The following IFT172 variants were observed in gnomAD, a reference collection of about 807,000 sequenced individuals.
IFT172 encodes intraflagellar transport protein 172 homolog.
Under a neutral mutation model 248.9 loss-of-function variants are expected in IFT172, and 164 were observed. The observed-to-expected ratio is 0.66, with a 90% CI of 0.58 to 0.75. IFT172 has a LOEUF of 0.75. Among genes scored for constraint, IFT172 ranks in the 30% least tolerant of loss-of-function variants. The pLI, the probability that IFT172 is intolerant of heterozygous loss-of-function variation, is 0.00. For synonymous variants in IFT172, 729 were observed against 791.6 expected (o/e 0.92, Z 1.33); for missense variants, 1,950 against 2,192.4 (o/e 0.89, Z 2.21).
At chr2:27,467,003 C>A (rs1263263684) in intron 16 of IFT172, among the ~76,000 whole-genome samples, 1 of 151,710 alleles carries the variant, frequency 6.6e-6, no homozygotes, top group East Asian at 2.0e-4. Flanking sequence ...CAAAGTGAGA[C>A]CCTGTTTTTT....
chr2:27,445,960 A>T lies in IFT172; in HGVS notation c.4784T>A (p.Ile1595Asn). The T allele has an allele frequency of 6.2e-7, 1 of 1,614,236 alleles. No homozygotes were observed. The highest frequency in any genetic ancestry group is 8.5e-7 in the Non-Finnish European group (1 of 1,180,042). The change falls in exon 44 of 48, where the codon ATC becomes AAC. Residue 1595 changes from isoleucine (I) to asparagine (N), a missense_variant. By Grantham distance (149) the Ile-to-Asn change is moderately radical. This residue lies in a region of IFT172 where 620 missense variants were observed against 699.0 expected (regional missense o/e 0.89). Transcript: ENST00000260570. The surrounding 1 kb of genome is among the most constrained non-coding windows in gnomAD (Gnocchi z 4.4). ...CAGGTCCAAAAAGCGATTGAGGAAGATGAATGCCATGTTATCCCAGCCAAC... is the reference window on the plus strand; with the variant it reads ...CAGGTCCAAAAAGCGATTGAGGAAGTTGAATGCCATGTTATCCCAGCCAAC... ...KAVGWDNMAF[I>N]FLNRFLDLTD...
At chr2:27,447,731 T>C in intron 41 of IFT172, 81 bp downstream of exon 41, 1 of 1,606,104 alleles carries the variant, frequency 6.2e-7, no homozygotes. Context: ...GAAGGTAAAA[T>C]ACATCTGAGA....
In IFT172 at chr2:27,446,680, ATTT is replaced by A. The variant is rs766069964; in HGVS notation, c.4660-328_4660-326del. 3.7e-5 allele frequency among the ~76,000 whole-genome samples: 3 copies of A among 80,468 alleles called. No individual in the cohort carries two copies. In the South Asian group the frequency reaches 1.6e-3, roughly 44 times the overall value. 52.8% of individuals were successfully genotyped at this position (80,468 alleles called of 152,430 possible). Reference sequence around the variant, plus strand: ...AAGCGCACATTACCATGCCTGGCTAATTTTTTTTTTTTTTTTTTTTTTTTTTTT... The same window carrying A: ...AAGCGCACATTACCATGCCTGGCTAATTTTTTTTTTTTTTTTTTTTTTTTT... On this transcript the variant is annotated intron_variant, in intron 42 of 47. Transcript: ENST00000260570.
chr2:27,448,374 C>T (rs1341696521), intron 40 of IFT172, among the ~76,000 whole-genome samples: 1 of 152,236 alleles, frequency 6.6e-6, no homozygotes, highest in East Asian at 1.9e-4. Flanking sequence ...GTTGGGATTA[C>T]AGGCGTGAGC....
At chr2:27,447,438 A>C in intron 42 of IFT172, 77 bp downstream of exon 42, 1 of 1,550,308 alleles carries the variant, frequency 6.5e-7, no homozygotes, top group Non-Finnish European at 8.8e-7. Context: ...AGAATCCAGA[A>C]CGTGAATCAA....
At position 27,473,657 on chromosome 2, in the gene IFT172, T is replaced by C. The variant is rs1033669581; in HGVS notation, c.1412-1295A>G. On this transcript the variant is annotated intron_variant, in intron 14 of 47. Transcript: ENST00000260570. Reference sequence around the variant, plus strand: ...CCAATTATAAGTAGAATCAGAGTTCTAGAGTGGCGACGGCCCTAACTCCTC... The same window carrying C: ...CCAATTATAAGTAGAATCAGAGTTCCAGAGTGGCGACGGCCCTAACTCCTC... 6.6e-5 allele frequency among the ~76,000 whole-genome samples: 10 copies of C among 152,100 alleles called. No homozygotes were observed. The East Asian group carries it at 2.0e-3, about 30-fold the overall frequency.
rs774784867 is a variant in IFT172 at position 27,462,652 on chromosome 2, C to T, written c.2115+49G>A. 9 of 1,537,534 alleles carry T rather than the reference C, an allele frequency of 5.9e-6. No individual in the cohort carries two copies. The East Asian group carries it at 2.0e-4, about 35-fold the overall frequency. On this transcript the variant is annotated intron_variant, in intron 20 of 47. Transcript: ENST00000260570. ...CTTGAGTTTGTACCCCCTTTTCTCT[C>T]TTTTTCCCTCATATCCCCTCTTCCA...
Position 27,445,870 on chromosome 2 carries a change from T to G in IFT172, c.4816-27A>C. On this transcript the variant is annotated intron_variant, in intron 44 of 47. Coordinates refer to ENST00000260570, the MANE Select transcript of IFT172 (RefSeq NM_015662.3). The surrounding 1 kb of genome is among the most constrained non-coding windows in gnomAD (Gnocchi z 4.4). ...TGCAGTAGAGTGGGCAACCATGAAC[T>G]AGGCACAGCTCGCGACTGGCAAAAA... 6.2e-7 allele frequency: 1 copy of G among 1,614,090 alleles called. No homozygotes were observed.
rs774624704 is a variant in IFT172 at position 27,476,745 on chromosome 2, G to A, written c.1326-19C>T. On this transcript the variant is annotated intron_variant, in intron 13 of 47. Transcript: ENST00000260570. The stretch of plus-strand genomic sequence containing the variant: ...ACGAACACTGAAACATGAAGGGTGA[G>A]GTAAGGCAAAATGGGCTGAGGTAGT... The A allele has an allele frequency of 7.1e-6, 11 of 1,554,740 alleles. No individual in the cohort carries two copies. The highest frequency in any genetic ancestry group is 9.8e-6 in the Non-Finnish European group (11 of 1,126,718).
rs949178000 is a variant in IFT172, at chr2:27,445,235, G to T, written c.5068+61C>A. 2 of 1,584,598 alleles carry T rather than the reference G, an allele frequency of 1.3e-6. No individual in the cohort carries two copies. The highest frequency in any genetic ancestry group is 4.5e-5 in the East Asian group (2 of 44,484). On this transcript the variant is annotated intron_variant, in intron 46 of 47. Transcript: ENST00000260570. The surrounding 1 kb of genome is among the most constrained non-coding windows in gnomAD (Gnocchi z 4.4). ...CTTTACTGAATCCTAGTAAAATTAA[G>T]TTTATTGATCCTGCTGCTTTCTACC...
intron 43 of IFT172, 36 bp from the exon 44 acceptor site, chr2:27,446,024 A>C (rs1572710573): frequency 6.2e-7 from 1 of 1,613,092 alleles, no homozygotes; most frequent in African/African-American, 1.3e-5. Context: ...GGAGTGAACA[A>C]GCTGGGTTTG....
rs772088813 is a variant in IFT172 at position 27,461,392 on chromosome 2, G to T, written c.2319C>A (p.Tyr773Ter). 6.2e-7 allele frequency: 1 copy of T among 1,614,180 alleles called. No individual in the cohort carries two copies. The highest frequency in any genetic ancestry group is 8.5e-7 in the Non-Finnish European group (1 of 1,180,024). Reference sequence around the variant, plus strand: ...CTTTGGCAGGGAGCCCAGCTTTGAGGTAGAGGCTGATGGCTGCTAGCCCAT... The same window carrying T: ...CTTTGGCAGGGAGCCCAGCTTTGAGTTAGAGGCTGATGGCTGCTAGCCCAT... ...QGDGLAAISL[Y>*]LKAGLPAKAA... The change falls in exon 22 of 48, where the codon TAC becomes TAA. Residue 773 changes from tyrosine to a stop codon, truncating the protein, a stop_gained. Transcript: ENST00000260570. LOFTEE classifies it high-confidence loss of function.
rs1372327110 is a variant in IFT172, at chr2:27,445,837, C to T, written c.4822G>A (p.Glu1608Lys). ...TCAAGGCCATCTAGAGTCCCTTCCT[C>T]GATTGCCTGCAGTAGAGTGGGCAAC... Reference protein sequence around the residue: ...NRFLDLTDAIEEGTLDGLDHS... With the variant: ...NRFLDLTDAIKEGTLDGLDHS... The change falls in exon 45 of 48, where the codon GAG (glutamate) becomes AAG (lysine). Residue 1608 changes from glutamate to lysine, a missense_variant. Physicochemically the swap from Glu to Lys is moderately conservative, Grantham distance 56. Coordinates refer to ENST00000260570, the MANE Select transcript of IFT172 (RefSeq NM_015662.3). This position sits in a 1 kb window ranked among gnomAD's most constrained non-coding sequence, Gnocchi z 4.4. 3.7e-6 allele frequency: 6 copies of T among 1,614,028 alleles called. No individual in the cohort carries two copies. Among genetic ancestry groups the T allele is most frequent in the Non-Finnish European group, 5.1e-6 (6 of 1,180,042 alleles).
At position 27,465,511 on chromosome 2, in the gene IFT172, C is replaced by T. The variant is rs1667018977; in HGVS notation, c.1837G>A (p.Ala613Thr). The T allele has an allele frequency of 1.2e-6, 2 of 1,614,050 alleles. No homozygotes were observed. The highest frequency in any genetic ancestry group is 1.7e-6 in the Non-Finnish European group (2 of 1,179,984). Residue 613 changes from alanine (A) to threonine (T), a missense_variant, in exon 18 of 48, where the codon GCC becomes ACC. Ala to Thr is a moderately conservative substitution (Grantham distance 58). Coordinates refer to ENST00000260570, the MANE Select transcript of IFT172 (RefSeq NM_015662.3). ...IDDGNYIRAT[A>T]FLETLEMTPE... ...GTCATTTCCAGAGTCTCTAAGAAGG[C>T]TGTTGCCCTGGAAAGGGAAGGAAGC...
Position 27,485,127 on chromosome 2 carries a change from C to A in IFT172, c.187G>T (p.Gly63Cys). 1 of 1,572,250 alleles carries A rather than the reference C, an allele frequency of 6.4e-7. No homozygotes were observed. Among genetic ancestry groups the A allele is most frequent in the South Asian group, 1.1e-5 (1 of 88,172 alleles). Residue 63 changes from glycine (G) to cysteine (C), a missense_variant, in exon 3 of 48, where the codon GGC becomes TGC. Physicochemically the swap from Gly to Cys is radical, Grantham distance 159. Transcript: ENST00000260570. ...FSTKPADMKY[G>C]RKSYMVKGMA... The stretch of plus-strand genomic sequence containing the variant: ...CCCTTCACCATATAGCTCTTCCTGC[C>A]ATACTAAGAGTTTAAAAAAAAAAAA...
At chr2:27,447,112 G>T in intron 42 of IFT172, among the ~76,000 whole-genome samples, 1 of 152,166 alleles carries the variant, frequency 6.6e-6, no homozygotes, top group Non-Finnish European at 1.5e-5. Context: ...CAAAGTGCTG[G>T]GATTACAGGG....
In IFT172 at chr2:27,479,592, C is replaced by T; in HGVS notation, c.922G>A (p.Gly308Ser). Residue 308 changes from glycine (G) to serine (S), a missense_variant, in exon 10 of 48, where the codon GGT becomes AGT. By Grantham distance (56) the Gly-to-Ser change is moderately conservative. Around this residue, in one of 3 missense-constraint regions of IFT172, gnomAD observed 1,166 missense variants for 1,254.1 expected, o/e 0.93. Coordinates refer to ENST00000260570, the MANE Select transcript of IFT172 (RefSeq NM_015662.3). ...GSRLCVGTLC[G>S]GVEQFDCCLR... Reference sequence around the variant, plus strand: ...CAGCAGTCAAACTGTTCCACCCCACCACATAGTGTGCCCTAGAAGGGAAAG... The same window carrying T: ...CAGCAGTCAAACTGTTCCACCCCACTACATAGTGTGCCCTAGAAGGGAAAG... 1 of 1,610,078 alleles carries T rather than the reference C, an allele frequency of 6.2e-7. No individual in the cohort carries two copies. The highest frequency in any genetic ancestry group is 1.1e-5 in the South Asian group (1 of 91,006).
rs1668061415 is a variant in IFT172 at position 27,477,632 on chromosome 2, A to C, written c.1168-20T>G. On this transcript the variant is annotated intron_variant, in intron 11 of 47. Coordinates refer to ENST00000260570, the MANE Select transcript of IFT172 (RefSeq NM_015662.3). ...GGCTATCTGTAACGGGAGAAGACTT[A>C]AGAAGCAATGTGGATAAATACCCAA... The C allele has an allele frequency of 1.9e-6, 3 of 1,557,904 alleles. No individual in the cohort carries two copies. Among genetic ancestry groups the C allele is most frequent in the African/African-American group, 2.7e-5 (2 of 73,950 alleles).
Position 27,459,835 on chromosome 2 carries a change from A to G in IFT172, c.2522-6T>C. ...CAATCGAGCCAGCTCTACCGCTGCC[A>G]GGGAGAGAAAAGATGCTCAGCCCAG... On this transcript the variant is annotated splice_region_variant and splice_polypyrimidine_tract_variant and intron_variant, in intron 23 of 47. Transcript: ENST00000260570. 6.2e-7 allele frequency: 1 copy of G among 1,609,982 alleles called. No homozygotes were observed. Among genetic ancestry groups the G allele is most frequent in the Non-Finnish European group, 8.5e-7 (1 of 1,179,970 alleles).
Sources: gnomAD v4.1 joint callset for allele counts (sites outside exome capture counted in the v4.1 genomes callset) on GRCh38, gnomAD v4.1.1 for gene constraint, gnomAD v4.1.1 regional missense constraint, Gnocchi (gnomAD v3.1) non-coding constraint, MANE v1.5 for transcripts, NCBI Gene and HGNC (gene_info 2026-07-23, HGNC 2026-07-21) for gene names.